Variants in DIAPH3 observed in about 807,000 individuals in gnomAD.
The protein encoded by DIAPH3 is diaphanous related formin 3, also known as protein diaphanous homolog 3.
In DIAPH3, 117 loss-of-function variants were observed where a neutral mutation model predicts 144.3. That is an observed-to-expected ratio of 0.81 (90% CI 0.70 to 0.95). DIAPH3 has a LOEUF of 0.95. DIAPH3 is among the 40% of genes least tolerant of loss of function. The pLI is 0.00. For synonymous variants in DIAPH3, 519 were observed against 488.9 expected, an observed-to-expected ratio of 1.06 and a Z score of -0.81; for missense variants, 1,421 against 1,412.7, an observed-to-expected ratio of 1.01 and a Z score of -0.09.
chr13:59,674,522 C>T (rs1267637473), intron 27 of DIAPH3, among the ~76,000 whole-genome samples: 1 of 152,134 alleles, frequency 6.6e-6, no homozygotes, highest in East Asian at 1.9e-4. Context: ...ACAATCATAA[C>T]CTCAACGTGG....
chr13:59,734,496 AG>A (rs1195404176), intron 27 of DIAPH3, among the ~76,000 whole-genome samples: 1 of 152,174 alleles, frequency 6.6e-6, no homozygotes, highest in East Asian at 1.9e-4. Context: ...TTTGCCTCTG[AG>A]GAGTCATGTC....
At chr13:59,675,546 G>A (rs1357385185) in intron 27 of DIAPH3, among the ~76,000 whole-genome samples, 10 of 151,980 alleles carry the variant, frequency 6.6e-5, no homozygotes, top group Non-Finnish European at 1.3e-4. Flanking sequence ...CACCACGCCC[G>A]GCTAATTTTT....
chr13:59,745,612 A>G (rs1224529439), intron 27 of DIAPH3, among the ~76,000 whole-genome samples: 1 of 152,196 alleles, frequency 6.6e-6, no homozygotes, highest in Non-Finnish European at 1.5e-5. Context: ...AGATTAAGTT[A>G]AACAGTCATT....
chr13:59,823,313 G>C (rs2041180626), intron 24 of DIAPH3, among the ~76,000 whole-genome samples: 1 of 152,076 alleles, frequency 6.6e-6, no homozygotes, highest in Non-Finnish European at 1.5e-5. Context: ...TTTCAAAGTT[G>C]CAAACTCAAA....
At chr13:60,083,022 C>T (rs544649360) in intron 4 of DIAPH3, among the ~76,000 whole-genome samples, 11 of 152,004 alleles carry the variant, frequency 7.2e-5, no homozygotes, top group African/African-American at 2.7e-4. Context: ...TATCCTTGGC[C>T]CTCAGCTTGT....
At chr13:59,866,835 C>A (rs1047823955) in intron 21 of DIAPH3, among the ~76,000 whole-genome samples, 1 of 151,730 alleles carries the variant, frequency 6.6e-6, no homozygotes, top group Non-Finnish European at 1.5e-5. Context: ...AAGGTATCTA[C>A]GTGAAAATGA....
At chr13:59,678,127 G>A (rs975215643) in intron 27 of DIAPH3, among the ~76,000 whole-genome samples, 14 of 151,974 alleles carry the variant, frequency 9.2e-5, no homozygotes, top group Admixed American at 2.0e-4. Context: ...TCTCCTATTC[G>A]TATTGGATCA....
chr13:59,716,388 G>T (rs1228160594), intron 27 of DIAPH3, among the ~76,000 whole-genome samples: 1 of 152,148 alleles, frequency 6.6e-6, no homozygotes, highest in Non-Finnish European at 1.5e-5. Context: ...TGTTAGCCAG[G>T]ATGGTCTCGA....
At chr13:59,831,440 C>T (rs1003539906) in intron 24 of DIAPH3, among the ~76,000 whole-genome samples, 1 of 151,824 alleles carries the variant, frequency 6.6e-6, no homozygotes, top group African/African-American at 2.4e-5. Flanking sequence ...ACAGACAATG[C>T]TTCATCATCC....
At chr13:59,668,881 C>T (rs1335783753) in intron 27 of DIAPH3, among the ~76,000 whole-genome samples, 2 of 151,756 alleles carry the variant, frequency 1.3e-5, no homozygotes, top group Middle Eastern at 3.4e-3. Flanking sequence ...CACATACATA[C>T]ATACCATCTT....
At chr13:59,834,824 T>A (rs1160521717) in intron 23 of DIAPH3, among the ~76,000 whole-genome samples, 1 of 151,750 alleles carries the variant, frequency 6.6e-6, no homozygotes, top group Non-Finnish European at 1.5e-5. Context: ...TACTTGATGT[T>A]TTGGGAAATC....
At chr13:59,711,822 C>A (rs931919290) in intron 27 of DIAPH3, among the ~76,000 whole-genome samples, 7 of 152,068 alleles carry the variant, frequency 4.6e-5, no homozygotes, top group Non-Finnish European at 7.4e-5. Context: ...ACAGAGTTAA[C>A]ACTAAAAAAA....
chr13:59,676,496 TTTC>T (rs544366777), intron 27 of DIAPH3, among the ~76,000 whole-genome samples: 147 of 152,346 alleles, frequency 9.6e-4, no homozygotes, highest in African/African-American at 3.5e-3. Context: ...ACAGCTATAG[TTTC>T]TTCAACTGTT....
intron 27 of DIAPH3, among the ~76,000 whole-genome samples, chr13:59,754,522 A>G (rs2037163243): frequency 6.6e-6 from 1 of 152,164 alleles, no homozygotes; most frequent in African/African-American, 2.4e-5. Context: ...TGTAGACAGA[A>G]GTTCTGAGTT....
Position 60,015,901 on chromosome 13 carries a change from G to T in DIAPH3, c.771+12C>A. ...TTGGTGACGGACAAATACTAATTAC[G>T]TATGTACATACCTGCGTATTCATCA... is the stretch of plus-strand genomic sequence containing the variant. On this transcript the variant is annotated intron_variant, in intron 7 of 27. Transcript: ENST00000400324. 6.2e-7 allele frequency: 1 copy of T among 1,601,536 alleles called. No homozygotes were observed. The highest frequency in any genetic ancestry group is 8.5e-7 in the Non-Finnish European group (1 of 1,170,020).
chr13:59,766,755 T>C (rs7985731), intron 27 of DIAPH3, among the ~76,000 whole-genome samples: 51,663 of 151,198 alleles, frequency 0.34, 9,304 homozygotes, highest in African/African-American at 0.44. Flanking sequence ...TCAGCTATTT[T>C]CCTACTTTTT....
chr13:60,156,939 A>ATTT (rs757042309), intron 1 of DIAPH3, among the ~76,000 whole-genome samples: 14 of 82,040 alleles, frequency 1.7e-4, no homozygotes, highest in Non-Finnish European at 2.5e-4. Context: ...ATATATATAT[A>ATTT]TTTTTTTTTT....
At chr13:59,865,975 T>C (rs1264635602) in intron 21 of DIAPH3, among the ~76,000 whole-genome samples, 2 of 152,064 alleles carry the variant, frequency 1.3e-5, no homozygotes, top group African/African-American at 4.8e-5. Context: ...CGCATCATTA[T>C]GTTCCTATAA....
At chr13:59,868,291 TAAC>T (rs775678650) in intron 21 of DIAPH3, among the ~76,000 whole-genome samples, 75 of 152,286 alleles carry the variant, frequency 4.9e-4, no homozygotes, top group Non-Finnish European at 9.1e-4. Flanking sequence ...TGGGAACAAT[TAAC>T]AAAAATTGGA....
Sources: allele counts gnomAD v4.1 joint callset (sites outside exome capture counted in the v4.1 genomes callset), GRCh38; gene constraint gnomAD v4.1.1; transcripts MANE v1.5; gene names NCBI Gene and HGNC (gene_info 2026-07-23, HGNC 2026-07-21).